MKLN1: variants seen among roughly 807,000 people sequenced by gnomAD.
The protein encoded by MKLN1 is muskelin 1.
MKLN1 carries 18 observed loss-of-function variants against 99.0 expected under a neutral mutation model. The ratio of observed to expected loss-of-function variants is 0.18; its 90% CI spans 0.13 to 0.27. MKLN1 has a LOEUF of 0.27. MKLN1 is among the 10% of genes least tolerant of loss of function. The probability of loss-of-function intolerance (pLI) is 1.00; values close to 1 mark genes in which losing one functional copy is unlikely to be tolerated. For missense variants in MKLN1, 621 were observed against 875.9 expected (o/e 0.71, Z 3.67); for synonymous variants, 288 against 293.2 (o/e 0.98, Z 0.18).
chr7:131,176,268 ATCTT>A (rs1278678744), intron 2 of MKLN1, among the ~76,000 whole-genome samples: 1 of 152,192 alleles, frequency 6.6e-6, no homozygotes. Flanking sequence ...ATGGAAATCT[ATCTT>A]TCCTTTATGT....
rs1474885217 is a variant in MKLN1 at position 131,492,994 on chromosome 7, G to T, written c.*5266G>T. The T allele has an allele frequency of 6.6e-6, 1 of 152,050 alleles. No homozygotes were observed. The highest frequency in any genetic ancestry group is 1.5e-5 in the Non-Finnish European group (1 of 68,014). 9.4% of individuals were successfully genotyped at this position (152,050 alleles called of 1,614,324 possible). A position where few individuals can be genotyped will look rare whatever the true frequency, so the allele number is the denominator to read the frequency against. On this transcript the variant is annotated 3_prime_UTR_variant, in exon 18 of 18. Transcript: ENST00000352689. ...CAGCTTAAAAACACAAAAATGAAAG[G>T]GTAGTCCTAGTTTATCTTCTTAATT...
chr7:131,264,362 T>C (rs1324097730), intron 3 of MKLN1, among the ~76,000 whole-genome samples: 3 of 152,198 alleles, frequency 2.0e-5, no homozygotes, highest in African/African-American at 7.2e-5. Flanking sequence ...AAGATGTTTC[T>C]TGAATATCAT....
rs535116067 is a variant in MKLN1 at position 131,190,507 on chromosome 7, G to A, written c.-296-12350G>A. ...AGCCCAGTAGCTGGGAAATTTCCAT[G>A]ATGGAAAATTTTAACATATTCTTTA... is the stretch of plus-strand genomic sequence containing the variant. On this transcript the variant is annotated intron_variant, in intron 2 of 7. Coordinates refer to the MKLN1 transcript ENST00000416992. Among the ~76,000 whole-genome samples, 95 of 151,246 alleles carry A rather than the reference G, an allele frequency of 6.3e-4. 1 individual carries two copies. The Middle Eastern group carries it at 0.014, about 22-fold the overall frequency.
At chr7:131,351,552 C>A (rs955242570) in intron 1 of MKLN1, among the ~76,000 whole-genome samples, 2 of 152,080 alleles carry the variant, frequency 1.3e-5, no homozygotes, top group African/African-American at 4.8e-5. Context: ...CCTTGAACCT[C>A]CTGGGCTCAA....
chr7:131,179,822 C>A (rs1796353605), intron 2 of MKLN1, among the ~76,000 whole-genome samples: 1 of 152,126 alleles, frequency 6.6e-6, no homozygotes, highest in Non-Finnish European at 1.5e-5. Context: ...GATCCGCCTG[C>A]CTCGGCCTCC....
intron 3 of MKLN1, among the ~76,000 whole-genome samples, chr7:131,274,367 G>C (rs1012690621): frequency 2.0e-5 from 3 of 152,114 alleles, no homozygotes; most frequent in African/African-American, 7.2e-5. Context: ...TTGCTGCCGG[G>C]AGTGGTGGCT....
At chr7:131,364,983 A>G (rs1480222052) in intron 1 of MKLN1, among the ~76,000 whole-genome samples, 2 of 152,180 alleles carry the variant, frequency 1.3e-5, no homozygotes, top group Admixed American at 1.3e-4. Context: ...TACCTCCCCA[A>G]TAATGGGATT....
At chr7:131,268,058 A>G (rs992275733) in intron 3 of MKLN1, among the ~76,000 whole-genome samples, 2 of 152,264 alleles carry the variant, frequency 1.3e-5, no homozygotes, top group Non-Finnish European at 2.9e-5. Context: ...GACTCCAAAC[A>G]TATTAAATAA....
chr7:131,288,086 A>T (rs1016831103), intron 3 of MKLN1, among the ~76,000 whole-genome samples: 3 of 152,148 alleles, frequency 2.0e-5, no homozygotes, highest in African/African-American at 7.2e-5. Flanking sequence ...GATTAATACA[A>T]GCCCCATGTC....
At chr7:131,431,727 C>T (rs969229900) in intron 9 of MKLN1, among the ~76,000 whole-genome samples, 2 of 152,112 alleles carry the variant, frequency 1.3e-5, no homozygotes, top group Non-Finnish European at 2.9e-5. Flanking sequence ...AATAATAAAA[C>T]AATTTATTTA....
At chr7:131,259,962 C>G (rs1257800587) in intron 3 of MKLN1, among the ~76,000 whole-genome samples, 2 of 152,182 alleles carry the variant, frequency 1.3e-5, no homozygotes, top group African/African-American at 4.8e-5. Flanking sequence ...CCCATAGTGT[C>G]TGCCCAAAAG....
intron 3 of MKLN1, among the ~76,000 whole-genome samples, chr7:131,281,306 A>G (rs1362683095): frequency 1.3e-5 from 2 of 151,496 alleles, no homozygotes; most frequent in South Asian, 2.1e-4. Context: ...TTCTTTCCCT[A>G]TCGAATTGTC....
intron 3 of MKLN1, among the ~76,000 whole-genome samples, chr7:131,203,280 T>C (rs576399812): frequency 4.6e-5 from 7 of 152,326 alleles, no homozygotes; most frequent in African/African-American, 1.7e-4. Flanking sequence ...TAATAATAAT[T>C]GAATTTAAAT....
At chr7:131,450,951 G>A (rs1796160334) in intron 12 of MKLN1, among the ~76,000 whole-genome samples, 1 of 152,092 alleles carries the variant, frequency 6.6e-6, no homozygotes, top group South Asian at 2.1e-4. Context: ...AGCATTCAGT[G>A]GTTTCAGTAC....
At position 131,466,457 on chromosome 7, in the gene MKLN1, A is replaced by G. The variant is rs764755948; in HGVS notation, c.1928+42A>G. On this transcript the variant is annotated intron_variant, in intron 15 of 17. Coordinates refer to ENST00000352689, the MANE Select transcript of MKLN1 (RefSeq NM_013255.5). ...CTGAAAACATTTAATTAACATTATCAGCTATATTTCTCTTGGCAAATTTAA... is the reference window on the plus strand; with the variant it reads ...CTGAAAACATTTAATTAACATTATCGGCTATATTTCTCTTGGCAAATTTAA... 4.2e-6 allele frequency: 6 copies of G among 1,432,578 alleles called. No individual in the cohort carries two copies. In the South Asian group the frequency reaches 7.0e-5, roughly 17 times the overall value. 88.7% of individuals were successfully genotyped at this position (1,432,578 alleles called of 1,614,324 possible).
intron 1 of MKLN1, among the ~76,000 whole-genome samples, chr7:131,128,793 C>T (rs79382995): frequency 0.07 from 10,558 of 150,896 alleles, 488 homozygotes; most frequent in Admixed American, 0.15. Flanking sequence ...AGAGATGGGG[C>T]GTCCCTATGT....
chr7:131,375,060 A>G (rs1296073305), intron 1 of MKLN1, among the ~76,000 whole-genome samples: 1 of 151,868 alleles, frequency 6.6e-6, no homozygotes, highest in Non-Finnish European at 1.5e-5. Flanking sequence ...TCTTCCTCCA[A>G]GTAGCTGAGG....
At chr7:131,239,463 G>A (rs1797370441) in intron 3 of MKLN1, among the ~76,000 whole-genome samples, 1 of 151,972 alleles carries the variant, frequency 6.6e-6, no homozygotes, top group African/African-American at 2.4e-5. Context: ...AGGGCTATAG[G>A]TACATGCCAC....
chr7:131,389,771 C>T (rs1794143529), intron 4 of MKLN1, among the ~76,000 whole-genome samples: 1 of 151,810 alleles, frequency 6.6e-6, no homozygotes, highest in African/African-American at 2.4e-5. Flanking sequence ...CGCCTGTAGT[C>T]CCAGTTACTC....
Sources: gnomAD v4.1 joint callset for allele counts (sites outside exome capture counted in the v4.1 genomes callset) on GRCh38, gnomAD v4.1.1 for gene constraint, MANE v1.5 for transcripts, NCBI Gene and HGNC (gene_info 2026-07-23, HGNC 2026-07-21) for gene names.